Variants in CYP7B1 observed in about 807,000 individuals in gnomAD.
The protein encoded by CYP7B1 is cytochrome P450 family 7 subfamily B member 1, also known as cytochrome P450 7B1.
Under a neutral mutation model 42.7 loss-of-function variants are expected in CYP7B1, and 29 were observed. The ratio of observed to expected loss-of-function variants is 0.68; its 90% CI spans 0.51 to 0.93. The LOEUF (loss-of-function observed/expected upper bound fraction) is 0.93, where lower values mean the gene tolerates loss of function less well. Ranked by LOEUF, CYP7B1 falls within the 40% of genes least tolerant of loss-of-function variation. CYP7B1 has a pLI of 0.00. For synonymous variants in CYP7B1, 235 were observed against 218.2 expected, an observed-to-expected ratio of 1.08 and a Z score of -0.68; for missense variants, 655 against 600.5, an observed-to-expected ratio of 1.09 and a Z score of -0.95.
chr8:64,613,995 T>C (rs1176695936), intron 4 of CYP7B1, among the ~76,000 whole-genome samples: 2 of 152,120 alleles, frequency 1.3e-5, no homozygotes, highest in African/African-American at 2.4e-5. Flanking sequence ...CTCGCCTACA[T>C]TGTCAAAGGA....
intron 1 of CYP7B1, among the ~76,000 whole-genome samples, chr8:64,736,902 A>C (rs974984679): frequency 5.3e-5 from 8 of 152,196 alleles, no homozygotes; most frequent in Non-Finnish European, 1.0e-4. Context: ...ACCTAGTAAT[A>C]CTTGAGGCTG....
chr8:64,590,430 C>A (rs185093585), downstream of CYP7B1, among the ~76,000 whole-genome samples: 637 of 152,100 alleles, frequency 4.2e-3, 2 homozygotes, highest in Non-Finnish European at 6.6e-3. Flanking sequence ...CAAATATTAC[C>A]CAGCTTTATT....
At chr8:64,654,184 G>A (rs1806085610) in intron 1 of CYP7B1, among the ~76,000 whole-genome samples, 1 of 152,020 alleles carries the variant, frequency 6.6e-6, no homozygotes. Context: ...AATCAGACAA[G>A]GAAAATAAAT....
intron 1 of CYP7B1, among the ~76,000 whole-genome samples, chr8:64,716,501 G>T (rs890860752): frequency 7.2e-5 from 11 of 152,024 alleles, no homozygotes; most frequent in Middle Eastern, 3.2e-3. Flanking sequence ...GAGGTCAAGA[G>T]GTCGAGACCA....
At chr8:64,643,792 A>G (rs2129631042) in intron 1 of CYP7B1, among the ~76,000 whole-genome samples, 1 of 152,294 alleles carries the variant, frequency 6.6e-6, no homozygotes, top group Non-Finnish European at 1.5e-5. Context: ...TTAGGAGTAG[A>G]TTCCATCCCA....
At chr8:64,700,745 G>C (rs1382009439) in intron 1 of CYP7B1, among the ~76,000 whole-genome samples, 1 of 152,088 alleles carries the variant, frequency 6.6e-6, no homozygotes, top group Admixed American at 6.6e-5. Flanking sequence ...TGATAGCAGT[G>C]GGTGGTTAAT....
At chr8:64,730,092 C>T (rs1192068524) in intron 1 of CYP7B1, among the ~76,000 whole-genome samples, 1 of 152,268 alleles carries the variant, frequency 6.6e-6, no homozygotes, top group African/African-American at 2.4e-5. Context: ...GACAGAGTCT[C>T]GCTCTGTCAC....
At chr8:64,660,574 A>G (rs928516113) in intron 1 of CYP7B1, among the ~76,000 whole-genome samples, 2 of 152,228 alleles carry the variant, frequency 1.3e-5, no homozygotes, top group Non-Finnish European at 2.9e-5. Flanking sequence ...CTCATGACAC[A>G]AGAACTGGCT....
intron 4 of CYP7B1, among the ~76,000 whole-genome samples, chr8:64,609,861 T>A (rs1805338023): frequency 6.6e-6 from 1 of 152,202 alleles, no homozygotes; most frequent in African/African-American, 2.4e-5. Flanking sequence ...ACCACTGCAT[T>A]AACTAAAACC....
chr8:64,737,825 T>G (rs1807511902), intron 1 of CYP7B1, among the ~76,000 whole-genome samples: 2 of 152,230 alleles, frequency 1.3e-5, no homozygotes, highest in African/African-American at 4.8e-5. Flanking sequence ...TTGTTCTTAT[T>G]CTTGCTTGTG....
At chr8:64,655,413 T>C (rs1454167636) in intron 1 of CYP7B1, among the ~76,000 whole-genome samples, 1 of 152,030 alleles carries the variant, frequency 6.6e-6, no homozygotes, top group Non-Finnish European at 1.5e-5. Context: ...AACAAGCGTA[T>C]GAAAAAAAGC....
chr8:64,792,530 C>G (rs1804635816), intron 1 of CYP7B1, among the ~76,000 whole-genome samples: 1 of 152,126 alleles, frequency 6.6e-6, no homozygotes, highest in African/African-American at 2.4e-5. Flanking sequence ...AGTATTTAAT[C>G]AATTGTTGAA....
At chr8:64,774,649 T>C (rs1443683066) in intron 1 of CYP7B1, among the ~76,000 whole-genome samples, 1 of 152,226 alleles carries the variant, frequency 6.6e-6, no homozygotes, top group Admixed American at 6.5e-5. Context: ...ATATTTATAC[T>C]AGTCTTTGTA....
chr8:64,624,104 A>G (rs550532261), intron 2 of CYP7B1, among the ~76,000 whole-genome samples: 48 of 152,122 alleles, frequency 3.2e-4, no homozygotes, highest in African/African-American at 9.1e-4. Flanking sequence ...TAGCTTTTGT[A>G]TAGTTATATA....
chr8:64,586,929 G>A (rs1451868), downstream of CYP7B1, among the ~76,000 whole-genome samples: 58,683 of 152,142 alleles, frequency 0.39, 14,409 homozygotes, highest in African/African-American at 0.7. Context: ...GACACAGTAG[G>A]TGGAAGGAGG....
intron 4 of CYP7B1, among the ~76,000 whole-genome samples, chr8:64,607,680 A>G (rs755504847): frequency 5.3e-4 from 80 of 152,316 alleles, no homozygotes; most frequent in Non-Finnish European, 9.7e-4. Context: ...CATCCAGCCA[A>G]AACAGGGGAC....
At chr8:64,688,346 T>C (rs1806687388) in intron 1 of CYP7B1, among the ~76,000 whole-genome samples, 1 of 152,190 alleles carries the variant, frequency 6.6e-6, no homozygotes, top group African/African-American at 2.4e-5. Context: ...GTTTTTTCCA[T>C]TTCTCCTTTC....
intron 2 of CYP7B1, among the ~76,000 whole-genome samples, chr8:64,623,440 A>G (rs939721814): frequency 6.6e-5 from 10 of 152,246 alleles, no homozygotes; most frequent in Admixed American, 1.3e-4. Flanking sequence ...CGGATCATCC[A>G]GTTCCCATCC....
At chr8:64,694,678 C>G (rs1806797581) in intron 1 of CYP7B1, among the ~76,000 whole-genome samples, 1 of 152,082 alleles carries the variant, frequency 6.6e-6, no homozygotes, top group African/African-American at 2.4e-5. Flanking sequence ...TTTTTTATTT[C>G]TAGTCATTTA....
Sources: allele counts gnomAD v4.1 joint callset (sites outside exome capture counted in the v4.1 genomes callset), GRCh38; gene constraint gnomAD v4.1.1; transcripts MANE v1.5; gene names NCBI Gene and HGNC (gene_info 2026-07-23, HGNC 2026-07-21).